The following OXNAD1 variants were observed in gnomAD, a reference collection of about 807,000 sequenced individuals.
The protein encoded by OXNAD1 is oxidoreductase NAD binding domain containing 1.
OXNAD1 carries 34 observed loss-of-function variants against 32.9 expected under a neutral mutation model. That is an observed-to-expected ratio of 1.03 (90% confidence interval 0.79 to 1.38). The LOEUF is 1.38. OXNAD1 is among the 40% of genes most tolerant of loss of function. The probability of loss-of-function intolerance (pLI) is 0.00; values close to 1 mark genes in which losing one functional copy is unlikely to be tolerated. For synonymous variants in OXNAD1, 134 were observed against 135.2 expected (o/e 0.99, Z 0.06); for missense variants, 407 against 379.4 (o/e 1.07, Z -0.60).
intron 9 of OXNAD1, among the ~76,000 whole-genome samples, chr3:16,331,467 A>G (rs2070303436): frequency 6.6e-6 from 1 of 152,220 alleles, no homozygotes; most frequent in Non-Finnish European, 1.5e-5. Flanking sequence ...TGCTGGGTCA[A>G]ATAATGCACT....
chr3:16,313,908 G>C (rs2068148808), intron 9 of OXNAD1, among the ~76,000 whole-genome samples: 1 of 152,158 alleles, frequency 6.6e-6, no homozygotes, highest in African/African-American at 2.4e-5. Context: ...AAGCAGATTA[G>C]ATAAGAATTC....
At chr3:16,291,708 A>C (rs1294287718) in intron 5 of OXNAD1, among the ~76,000 whole-genome samples, 1 of 152,202 alleles carries the variant, frequency 6.6e-6, no homozygotes, top group Non-Finnish European at 1.5e-5. Context: ...ACATTCATGT[A>C]CAAGTTTTTG....
chr3:16,307,421 T>C (rs2067638041), downstream of OXNAD1, among the ~76,000 whole-genome samples: 1 of 152,134 alleles, frequency 6.6e-6, no homozygotes, highest in Admixed American at 6.6e-5. Context: ...AGAAAGTGTT[T>C]CATAGAGGAT....
intron 9 of OXNAD1, chr3:16,323,527 G>A (rs1295000030): frequency 1.8e-6 from 2 of 1,105,770 alleles, no homozygotes; most frequent in African/African-American, 1.6e-5. Flanking sequence ...CACAGATGTT[G>A]CCATCCCTAA....
At chr3:16,295,042 C>T (rs1239982291) in intron 6 of OXNAD1, 45 bp downstream of exon 6, 7 of 1,544,982 alleles carry the variant, frequency 4.5e-6, no homozygotes, top group Non-Finnish European at 6.1e-6. Flanking sequence ...GGTATCTCTG[C>T]CACCCACAAA....
At chr3:16,313,205 A>ATTTTTTTTTTTTTTTT (rs750491540) in intron 9 of OXNAD1, among the ~76,000 whole-genome samples, 1,620 of 103,476 alleles carry the variant, frequency 0.016, 160 homozygotes, top group East Asian at 0.037. Flanking sequence ...CACCCAGCGG[A>ATTTTTTTTTTTTTTTT]TTTTTTTTTT....
chr3:16,295,502 A>G (rs1460214689), intron 6 of OXNAD1, among the ~76,000 whole-genome samples: 4 of 152,158 alleles, frequency 2.6e-5, no homozygotes, highest in Non-Finnish European at 5.9e-5. Context: ...AGAGAATCCA[A>G]TTTGATTGCT....
Position 16,336,126 on chromosome 3 carries a change from T to C in OXNAD1, c.*31-986T>C, listed in dbSNP as rs966496923. ...ACAGAAAGAAGGGCCACTTCACCTC[T>C]ACCTCTCCCTAGCAAGTGGAAGGCA... On this transcript the variant is annotated intron_variant, in intron 9 of 9. Coordinates refer to the OXNAD1 transcript ENST00000435829. This position sits in a 1 kb window ranked among gnomAD's most constrained non-coding sequence, Gnocchi z 6.0. Among the ~76,000 whole-genome samples, 8 of 152,224 alleles carry C rather than the reference T, an allele frequency of 5.3e-5. No individual in the cohort carries two copies. Among genetic ancestry groups the C allele is most frequent in the African/African-American group, 1.7e-4 (7 of 41,460 alleles).
downstream of OXNAD1, among the ~76,000 whole-genome samples, chr3:16,339,109 A>G (rs942115706): frequency 6.6e-6 from 1 of 152,228 alleles, no homozygotes; most frequent in Non-Finnish European, 1.5e-5. Flanking sequence ...GTCTTGACTC[A>G]CTAAGGAAGG....
Position 16,334,047 on chromosome 3 carries a change from C to G in OXNAD1, c.*31-3065C>G, listed in dbSNP as rs1477107515. ...GGGCATGGTGGCGGGTGCCTGTAGT[C>G]CCAGCTACTTGGGAGGCTGAGGCAG... On this transcript the variant is annotated intron_variant, in intron 9 of 9. Coordinates refer to the OXNAD1 transcript ENST00000435829. The surrounding 1 kb of genome is among the most constrained non-coding windows in gnomAD (Gnocchi z 4.3). Among the ~76,000 whole-genome samples, 1 of 152,112 alleles carries G rather than the reference C, an allele frequency of 6.6e-6. No individual in the cohort carries two copies. The highest frequency in any genetic ancestry group is 1.9e-4 in the East Asian group (1 of 5,184).
At chr3:16,296,135 C>G (rs114706126) in intron 6 of OXNAD1, among the ~76,000 whole-genome samples, 5 of 152,096 alleles carry the variant, frequency 3.3e-5, no homozygotes, top group Non-Finnish European at 2.9e-5. Flanking sequence ...AGAGAAGGCA[C>G]GCAAAGAATC....
intron 6 of OXNAD1, 149 bp downstream of exon 6, chr3:16,295,146 CT>C: frequency 1.1e-6 from 1 of 952,140 alleles, no homozygotes; most frequent in Non-Finnish European, 1.5e-6. Context: ...GTCAAAGAAA[CT>C]TTGATGCATT....
chr3:16,269,819 GA>G (rs1286529281), intron 2 of OXNAD1, among the ~76,000 whole-genome samples: 1 of 151,692 alleles, frequency 6.6e-6, no homozygotes, highest in Non-Finnish European at 1.5e-5. Flanking sequence ...AAAAAGCTCA[GA>G]AAAAAAAGTA....
intron 9 of OXNAD1, among the ~76,000 whole-genome samples, chr3:16,330,843 C>T (rs2070238718): frequency 6.6e-6 from 1 of 152,190 alleles, no homozygotes; most frequent in Admixed American, 6.5e-5. Flanking sequence ...ATATGTTTGT[C>T]TTTTGATGAT....
Position 16,345,129 on chromosome 3 carries a change from C to T in OXNAD1, c.*31-4047C>T, listed in dbSNP as rs1172003867. 1 of 152,236 alleles carries T rather than the reference C, an allele frequency of 6.6e-6. No individual in the cohort carries two copies. The highest frequency in any genetic ancestry group is 1.9e-4 in the East Asian group (1 of 5,190). 9.4% of individuals were successfully genotyped at this position (152,236 alleles called of 1,614,324 possible). On this transcript the variant is annotated intron_variant, in intron 9 of 9. Transcript: ENST00000606098. This position sits in a 1 kb window ranked among gnomAD's most constrained non-coding sequence, Gnocchi z 5.2. ...GTGAGCTTGGAAGTGGATTCTTCCC[C>T]ACCAAAACCTCTAATAAGGCACACA...
At chr3:16,279,054 A>G (rs1295495372) in intron 4 of OXNAD1, among the ~76,000 whole-genome samples, 3 of 152,256 alleles carry the variant, frequency 2.0e-5, no homozygotes, top group African/African-American at 7.2e-5. Context: ...GTTTCTCAAC[A>G]GTTATTCCTG....
In OXNAD1 at chr3:16,288,161, A is replaced by G. The variant is rs186652422; in HGVS notation, c.290+1713A>G. Reference sequence around the variant, plus strand: ...GAGGTTGGCGGTGTCTGTCCCTTCCATGCTGTTGCTTGAATGGCTTTGTGC... The same window carrying G: ...GAGGTTGGCGGTGTCTGTCCCTTCCGTGCTGTTGCTTGAATGGCTTTGTGC... On this transcript the variant is annotated intron_variant, in intron 5 of 8. Coordinates refer to ENST00000285083, the MANE Select transcript of OXNAD1 (RefSeq NM_138381.5). The surrounding 1 kb of genome is among the most constrained non-coding windows in gnomAD (Gnocchi z 5.1). Among the ~76,000 whole-genome samples the G allele has an allele frequency of 5.9e-5, 9 of 152,220 alleles. No homozygotes were observed. Among genetic ancestry groups the G allele is most frequent in the African/African-American group, 1.7e-4 (7 of 41,526 alleles).
Position 16,317,322 on chromosome 3 carries a change from T to A in OXNAD1, c.*30+13730T>A, listed in dbSNP as rs2068516417. 7.4e-7 allele frequency: 1 copy of A among 1,351,118 alleles called. No homozygotes were observed. Among genetic ancestry groups the A allele is most frequent in the South Asian group, 1.3e-5 (1 of 79,730 alleles). The allele number at this position is 1,351,118 out of a possible 1,614,324, so 83.7% of individuals were successfully genotyped here. A position where few individuals can be genotyped will look rare whatever the true frequency, so the allele number is the denominator to read the frequency against. ...CTTGTTTGCATTCATACCCACACCA[T>A]GTCTGAGTGAGACATACAATTCCCA... On this transcript the variant is annotated intron_variant, in intron 9 of 9. Transcript: ENST00000435829. This position sits in a 1 kb window ranked among gnomAD's most constrained non-coding sequence, Gnocchi z 4.3.
At position 16,321,166 on chromosome 3, in the gene OXNAD1, A is replaced by T. The variant is rs954608882; in HGVS notation, c.*31-15946A>T. Among the ~76,000 whole-genome samples the T allele has an allele frequency of 1.3e-5, 2 of 152,010 alleles. No homozygotes were observed. The highest frequency in any genetic ancestry group is 2.9e-5 in the Non-Finnish European group (2 of 67,978). ...TGGCGGTTGGCCAGGTGGGCGAGGT[A>T]TGGGGAGGGGGACAGTCATAGGTTT... On this transcript the variant is annotated intron_variant, in intron 9 of 9. Coordinates refer to the OXNAD1 transcript ENST00000435829. The surrounding 1 kb of genome is among the most constrained non-coding windows in gnomAD (Gnocchi z 4.8).
Sources: gnomAD v4.1 joint callset for allele counts (sites outside exome capture counted in the v4.1 genomes callset) on GRCh38, gnomAD v4.1.1 for gene constraint, Gnocchi (gnomAD v3.1) non-coding constraint, MANE v1.5 for transcripts, NCBI Gene and HGNC (gene_info 2026-07-23, HGNC 2026-07-21) for gene names.